The following SMARCD3 variants were observed in gnomAD, a reference collection of about 807,000 sequenced individuals.
SMARCD3 encodes SWI/SNF-related matrix-associated actin-dependent regulator of chromatin subfamily D member 3.
In SMARCD3, 14 loss-of-function variants were observed where a neutral mutation model predicts 58.0. That is an observed-to-expected ratio of 0.24 (90% CI 0.16 to 0.38). The LOEUF is 0.38. Ranked by LOEUF, SMARCD3 falls within the 10% of genes least tolerant of loss-of-function variation. The pLI is 1.00. For missense variants in SMARCD3, 408 were observed against 636.9 expected, an observed-to-expected ratio of 0.64 and a Z score of 3.87; for synonymous variants, 253 against 253.8, an observed-to-expected ratio of 1.00 and a Z score of 0.03.
upstream of SMARCD3, among the ~76,000 whole-genome samples, chr7:151,276,909 C>A (rs1336447187): frequency 1.5e-5 from 1 of 67,042 alleles, no homozygotes; most frequent in Non-Finnish European, 3.0e-5. Context: ...AGAAGGGATG[C>A]CAGGCAGGGG....
chr7:151,248,375 C>T lies in SMARCD3; in HGVS notation c.78+110G>A. 3 of 948,628 alleles carry T rather than the reference C, an allele frequency of 3.2e-6. No individual in the cohort carries two copies. The highest frequency in any genetic ancestry group is 5.0e-6 in the Non-Finnish European group (3 of 603,120). The allele number at this position is 948,628 out of a possible 1,614,324, so 58.8% of individuals were successfully genotyped here. On this transcript the variant is annotated intron_variant, in intron 1 of 12. Coordinates refer to ENST00000262188, the MANE Select transcript of SMARCD3 (RefSeq NM_001003801.2). This position sits in a 1 kb window ranked among gnomAD's most constrained non-coding sequence, Gnocchi z 6.1. ...GCCGGGCCGTGGGCCATGACGCCCC[C>T]CACTAGAGGGGTGGGAGAGCGGGAG...
chr7:151,250,824 C>A (rs1208904558), upstream of SMARCD3, among the ~76,000 whole-genome samples: 2 of 152,092 alleles, frequency 1.3e-5, no homozygotes, highest in Admixed American at 6.6e-5. Flanking sequence ...AGGAACTCAA[C>A]AGTACCCCAG....
chr7:151,253,614 C>A (rs1361056537), upstream of SMARCD3, among the ~76,000 whole-genome samples: 1 of 70 alleles, frequency 0.014, no homozygotes, highest in Admixed American at 0.17. Flanking sequence ...CTGAGCATCC[C>A]GCTGGCCACA....
chr7:151,239,247 G>T lies in SMARCD3; in HGVS notation c.1399-91C>A. 1 of 1,442,460 alleles carries T rather than the reference G, an allele frequency of 6.9e-7. No individual in the cohort carries two copies. Among genetic ancestry groups the T allele is most frequent in the Non-Finnish European group, 9.8e-7 (1 of 1,024,642 alleles). 89.4% of individuals were successfully genotyped at this position (1,442,460 alleles called of 1,614,324 possible). A position where few individuals can be genotyped will look rare whatever the true frequency, so the allele number is the denominator to read the frequency against. On this transcript the variant is annotated intron_variant, in intron 12 of 12. Coordinates refer to ENST00000262188, the MANE Select transcript of SMARCD3 (RefSeq NM_001003801.2). The surrounding 1 kb of genome is among the most constrained non-coding windows in gnomAD (Gnocchi z 7.0). ...TACTGACACCGCCTGCCCTGAAAGA[G>T]CATCTGGGAGCAGGGAGGGCCATTG...
rs370708514 is a variant in SMARCD3, at chr7:151,240,014, C to T, written c.1173+98G>A. 4.3e-6 allele frequency: 5 copies of T among 1,159,426 alleles called. No individual in the cohort carries two copies. The East Asian group carries it at 9.7e-5, about 22-fold the overall frequency. The allele number at this position is 1,159,426 out of a possible 1,614,324, so 71.8% of individuals were successfully genotyped here. On this transcript the variant is annotated intron_variant, in intron 10 of 12. Transcript: ENST00000262188. Reference sequence around the variant, plus strand: ...TTTTTTTTTTTTTTTTTTAATTTAACCCAGACTGCTCATCTGCAACCACAC... The same window carrying T: ...TTTTTTTTTTTTTTTTTTAATTTAATCCAGACTGCTCATCTGCAACCACAC...
At chr7:151,249,275 A>C (rs934230143), upstream of SMARCD3, 1 of 152,054 alleles carries the variant, frequency 6.6e-6, no homozygotes, top group African/African-American at 2.4e-5. This position sits in a 1 kb window ranked among gnomAD's most constrained non-coding sequence, Gnocchi z 4.8. Context: ...CCCTGCGTCC[A>C]CTGCTGTGTG....
At chr7:151,253,038 C>G (rs147760030), upstream of SMARCD3, among the ~76,000 whole-genome samples, 11 of 152,224 alleles carry the variant, frequency 7.2e-5, no homozygotes, top group Non-Finnish European at 1.3e-4. Flanking sequence ...TCAGTGTCCT[C>G]AGAAGTGAAA....
At position 151,274,240 on chromosome 7, in the gene SMARCD3, C is replaced by T. The variant is rs531534960; in HGVS notation, c.39+874G>A. 2.4e-4 allele frequency among the ~76,000 whole-genome samples: 36 copies of T among 152,272 alleles called. No homozygotes were observed. The South Asian group carries it at 6.0e-3, about 25-fold the overall frequency. ...CACCCTGTTGCCAGGTGCCTCCCAC[C>T]GGTGAGGCCAGCCAGCGTGATGATG... is the stretch of plus-strand genomic sequence containing the variant. On this transcript the variant is annotated intron_variant, in intron 2 of 13. Transcript: ENST00000356800.
At position 151,239,021 on chromosome 7, in the gene SMARCD3, G is replaced by T. The variant is rs538695739; in HGVS notation, c.*82C>A. 1.5e-6 allele frequency: 2 copies of T among 1,368,726 alleles called. No homozygotes were observed. The highest frequency in any genetic ancestry group is 1.2e-5 in the South Asian group (1 of 86,166). The allele number at this position is 1,368,726 out of a possible 1,614,324, so 84.8% of individuals were successfully genotyped here. ...CAGCCCCACACCCCAAGGTGGCAGA[G>T]GAGTGATGCTGGAGCCCGGGGCAAA... On this transcript the variant is annotated 3_prime_UTR_variant, in exon 13 of 13. Transcript: ENST00000262188. The surrounding 1 kb of genome is among the most constrained non-coding windows in gnomAD (Gnocchi z 7.0).
rs1366591122 is a variant in SMARCD3 at position 151,246,695 on chromosome 7, C to A, written c.79-1024G>T. Among the ~76,000 whole-genome samples, 2 of 152,168 alleles carry A rather than the reference C, an allele frequency of 1.3e-5. No individual in the cohort carries two copies. The highest frequency in any genetic ancestry group is 2.4e-5 in the African/African-American group (1 of 41,442). On this transcript the variant is annotated intron_variant, in intron 1 of 12. Coordinates refer to ENST00000262188, the MANE Select transcript of SMARCD3 (RefSeq NM_001003801.2). The surrounding 1 kb of genome is among the most constrained non-coding windows in gnomAD (Gnocchi z 4.4). ...GGCTCCTCCTCCCTTGCCACTACCC[C>A]TGGGTGGTCAGATGGGGTGTAAATG...
In SMARCD3 at chr7:151,264,941, G is replaced by A. The variant is rs542184041; in HGVS notation, c.39+10173C>T. 7.2e-5 allele frequency among the ~76,000 whole-genome samples: 11 copies of A among 152,328 alleles called. 1 individual carries two copies. The highest frequency in any genetic ancestry group is 6.2e-4 in the South Asian group (3 of 4,832). On this transcript the variant is annotated intron_variant, in intron 2 of 13. Transcript: ENST00000356800. ...CCCAGGGGCCCAAGGACTGGACAGT[G>A]GCAGGGAGTCGACCTGTCCCTCAGG...
intron 2 of SMARCD3, among the ~76,000 whole-genome samples, chr7:151,264,922 G>T (rs537587984): frequency 4.6e-5 from 7 of 152,312 alleles, no homozygotes; most frequent in African/African-American, 1.7e-4. Flanking sequence ...GCAGCCCAGG[G>T]GCCCAAGGAC....
chr7:151,276,550 G>T (rs1795350707), intron 1 of SMARCD3, among the ~76,000 whole-genome samples: 1 of 140,064 alleles, frequency 7.1e-6, no homozygotes, highest in Admixed American at 7.1e-5. Flanking sequence ...GGCAGCGATG[G>T]GGAGGAGGTG....
At chr7:151,253,716 G>A (rs768477573) in intron 2 of SMARCD3, among the ~76,000 whole-genome samples, 6 of 152,122 alleles carry the variant, frequency 3.9e-5, no homozygotes, top group Non-Finnish European at 7.4e-5. Context: ...CCATAAAAAC[G>A]TGCCACACAG....
At chr7:151,244,435 T>C (rs773904246) in intron 2 of SMARCD3, among the ~76,000 whole-genome samples, 1 of 152,168 alleles carries the variant, frequency 6.6e-6, no homozygotes, top group Non-Finnish European at 1.5e-5. Context: ...CAGAAAAACC[T>C]TGGCGGGTCA....
intron 2 of SMARCD3, chr7:151,275,065 G>A: frequency 6.4e-7 from 1 of 1,563,400 alleles, no homozygotes; most frequent in Middle Eastern, 1.8e-4. Flanking sequence ...GACTCGCCAT[G>A]GGGCCCCAGA....
intron 2 of SMARCD3, among the ~76,000 whole-genome samples, chr7:151,274,619 A>G (rs1795283128): frequency 6.6e-6 from 1 of 152,226 alleles, no homozygotes; most frequent in Non-Finnish European, 1.5e-5. Flanking sequence ...TTCTGAGCAC[A>G]AGTTGTGCCA....
chr7:151,249,798 G>T (rs998862554), upstream of SMARCD3, among the ~76,000 whole-genome samples: 1 of 151,966 alleles, frequency 6.6e-6, no homozygotes, highest in Non-Finnish European at 1.5e-5. The surrounding 1 kb of genome is among the most constrained non-coding windows in gnomAD (Gnocchi z 4.8). Flanking sequence ...CCCAGAAGGG[G>T]CGTGTGGAAG....
intron 2 of SMARCD3, among the ~76,000 whole-genome samples, chr7:151,260,588 C>T (rs1360291349): frequency 2.6e-5 from 4 of 152,190 alleles, no homozygotes; most frequent in South Asian, 2.1e-4. Flanking sequence ...TCCTGTGCGA[C>T]GTACACACCT....
Sources: gnomAD v4.1 joint callset for allele counts (sites outside exome capture counted in the v4.1 genomes callset) on GRCh38, gnomAD v4.1.1 for gene constraint, Gnocchi (gnomAD v3.1) non-coding constraint, MANE v1.5 for transcripts, NCBI Gene and HGNC (gene_info 2026-07-23, HGNC 2026-07-21) for gene names.